MDFIC: variants seen among roughly 807,000 people sequenced by gnomAD.
The protein encoded by MDFIC is myoD family inhibitor domain-containing protein.
Under a neutral mutation model 23.2 loss-of-function variants are expected in MDFIC, and 17 were observed. The observed-to-expected ratio is 0.73, with a 90% CI of 0.50 to 1.10. The LOEUF is 1.10. Among genes scored for constraint, MDFIC ranks in the 50% least tolerant of loss-of-function variants. The probability of loss-of-function intolerance (pLI) is 0.00; values close to 1 mark genes in which losing one functional copy is unlikely to be tolerated. For missense variants in MDFIC, 356 were observed against 316.6 expected, an observed-to-expected ratio of 1.12 and a Z score of -0.95; for synonymous variants, 120 against 115.2, an observed-to-expected ratio of 1.04 and a Z score of -0.27.
intron 2 of MDFIC, among the ~76,000 whole-genome samples, chr7:114,929,216 T>C (rs1327826789): frequency 6.6e-6 from 1 of 152,048 alleles, no homozygotes; most frequent in African/African-American, 2.4e-5. Flanking sequence ...AAGCGATTCT[T>C]CTGCCTCAGC....
At chr7:115,001,754 CTTAGTTAGA>C (rs1791469713) in intron 4 of MDFIC, among the ~76,000 whole-genome samples, 1 of 152,054 alleles carries the variant, frequency 6.6e-6, no homozygotes, top group South Asian at 2.1e-4. Context: ...AAATTACACC[CTTAGTTAGA>C]AATAAGTATG....
At chr7:115,013,352 C>T (rs1396822867) in intron 4 of MDFIC, among the ~76,000 whole-genome samples, 3 of 152,126 alleles carry the variant, frequency 2.0e-5, no homozygotes, top group African/African-American at 4.8e-5. Flanking sequence ...TGGAACGAGA[C>T]ATTCTTTCCC....
intron 3 of MDFIC, among the ~76,000 whole-genome samples, chr7:114,953,887 A>G (rs1792831971): frequency 6.6e-6 from 1 of 152,176 alleles, no homozygotes; most frequent in African/African-American, 2.4e-5. Flanking sequence ...GAATAATTAA[A>G]GAAAAAAAGT....
rs920088025 is a variant in MDFIC, at chr7:114,931,239, T to C, written c.94+8112T>C. Among the ~76,000 whole-genome samples the C allele has an allele frequency of 6.6e-5, 10 of 152,216 alleles. No individual in the cohort carries two copies. The East Asian group carries it at 9.6e-4, about 15-fold the overall frequency. Reference sequence around the variant, plus strand: ...AGATTCTTCTTCTAATCACTTAGGGTTTGCTAAGTAGAAACTATGAGAAGA... The same window carrying C: ...AGATTCTTCTTCTAATCACTTAGGGCTTGCTAAGTAGAAACTATGAGAAGA... On this transcript the variant is annotated intron_variant, in intron 2 of 4. Transcript: ENST00000393486.
chr7:114,924,326 T>C (rs1792149465), intron 2 of MDFIC, among the ~76,000 whole-genome samples: 1 of 152,242 alleles, frequency 6.6e-6, no homozygotes, highest in African/African-American at 2.4e-5. Context: ...ATCGACTCAT[T>C]GATGGGCTGT....
chr7:114,972,970 G>GAGATTGTTTATATGTTATTAAT, intron 3 of MDFIC, among the ~76,000 whole-genome samples: 3 of 152,094 alleles, frequency 2.0e-5, no homozygotes, highest in Non-Finnish European at 4.4e-5. Context: ...CTACTATTAA[G>GAGATTGTTTATATGTTATTAAT]AGATTGTTTA....
chr7:114,939,024 C>T (rs1000580539), intron 2 of MDFIC, among the ~76,000 whole-genome samples: 1 of 152,092 alleles, frequency 6.6e-6, no homozygotes, highest in Non-Finnish European at 1.5e-5. Flanking sequence ...TATCATGATC[C>T]CCATCTTACA....
chr7:114,944,989 G>A (rs1792616758), intron 3 of MDFIC, among the ~76,000 whole-genome samples: 1 of 152,226 alleles, frequency 6.6e-6, no homozygotes, highest in African/African-American at 2.4e-5. Flanking sequence ...AAATGAGGCT[G>A]GCTGGGGTGT....
At chr7:114,956,158 T>A (rs1792878330) in intron 3 of MDFIC, among the ~76,000 whole-genome samples, 1 of 152,086 alleles carries the variant, frequency 6.6e-6, no homozygotes, top group South Asian at 2.1e-4. Context: ...AGCTCCCAAT[T>A]CTAGTCCACT....
chr7:115,000,693 G>C (rs746988818), intron 4 of MDFIC, among the ~76,000 whole-genome samples: 8 of 152,018 alleles, frequency 5.3e-5, no homozygotes, highest in Non-Finnish European at 7.4e-5. Flanking sequence ...AAAAAACTAT[G>C]TTAAATATTA....
intron 3 of MDFIC, among the ~76,000 whole-genome samples, chr7:114,943,966 A>T (rs1792598665): frequency 6.6e-6 from 1 of 152,218 alleles, no homozygotes; most frequent in African/African-American, 2.4e-5. Flanking sequence ...AAATAAGAAT[A>T]TGGAGAGTCA....
At chr7:114,979,802 G>T in intron 4 of MDFIC, 21 bp downstream of exon 4, 4 of 1,604,784 alleles carry the variant, frequency 2.5e-6, no homozygotes, top group South Asian at 1.1e-5. Context: ...GATATATGTA[G>T]ATTTTATTTG....
chr7:114,924,807 A>G (rs1471406264), intron 2 of MDFIC, among the ~76,000 whole-genome samples: 1 of 152,248 alleles, frequency 6.6e-6, no homozygotes, highest in Non-Finnish European at 1.5e-5. Flanking sequence ...GATGTCTTAA[A>G]CAGGCAGATG....
intron 3 of MDFIC, among the ~76,000 whole-genome samples, chr7:114,962,373 G>A (rs899250369): frequency 2.0e-5 from 3 of 152,148 alleles, no homozygotes; most frequent in African/African-American, 7.2e-5. Flanking sequence ...GATTTGAAAG[G>A]CTATATTAAT....
chr7:114,979,834 C>A, intron 4 of MDFIC, 53 bp downstream of exon 4: 2 of 1,555,378 alleles, frequency 1.3e-6, no homozygotes, highest in Non-Finnish European at 1.8e-6. Flanking sequence ...AATAATATTT[C>A]CTGGTAATTA....
At chr7:115,011,582 T>A (rs1219666278) in intron 4 of MDFIC, among the ~76,000 whole-genome samples, 1 of 152,222 alleles carries the variant, frequency 6.6e-6, no homozygotes, top group Admixed American at 6.5e-5. Flanking sequence ...AAATTCTTTG[T>A]CTACTAAAAA....
chr7:115,014,075 T>G, intron 4 of MDFIC: 1 of 985,370 alleles, frequency 1.0e-6, no homozygotes, highest in Non-Finnish European at 1.2e-6. Flanking sequence ...GGAATTTCCC[T>G]TTTGAGTACT....
Position 114,923,070 on chromosome 7 carries a change from G to C in MDFIC, c.37G>C (p.Val13Leu). The C allele has an allele frequency of 7.1e-7, 1 of 1,404,036 alleles. No individual in the cohort carries two copies. The highest frequency in any genetic ancestry group is 9.3e-7 in the Non-Finnish European group (1 of 1,079,988). The allele number at this position is 1,404,036 out of a possible 1,614,324, so 87.0% of individuals were successfully genotyped here. Residue 13 changes from valine (V) to leucine (L), a missense_variant, in exon 2 of 5, where the codon GTG (valine) becomes CTG (leucine). Val to Leu is a conservative substitution (Grantham distance 32). Coordinates refer to ENST00000393486, the MANE Select transcript of MDFIC (RefSeq NM_001166345.3). ...GGGCGAAGCCCTCGCTCCCGGGCCC[G>C]TGGGGCCGCAGCGCGTGGCCGAGGC... ...GAGEALAPGP[V>L]GPQRVAEAGG...
At chr7:114,926,502 T>C (rs1389086827) in intron 2 of MDFIC, among the ~76,000 whole-genome samples, 1 of 152,110 alleles carries the variant, frequency 6.6e-6, no homozygotes, top group Non-Finnish European at 1.5e-5. Context: ...CCTGTATCTT[T>C]CCCCCAACCC....
Sources: allele counts gnomAD v4.1 joint callset (sites outside exome capture counted in the v4.1 genomes callset), GRCh38; gene constraint gnomAD v4.1.1; transcripts MANE v1.5; gene names NCBI Gene and HGNC (gene_info 2026-07-23, HGNC 2026-07-21).